Variants in GPR37 observed in about 807,000 individuals in gnomAD.
GPR37 encodes the protein prosaposin receptor GPR37.
Under a neutral mutation model 43.6 loss-of-function variants are expected in GPR37, and 20 were observed. The ratio of observed to expected loss-of-function variants is 0.46; its 90% CI spans 0.32 to 0.67. The LOEUF (loss-of-function observed/expected upper bound fraction) is 0.67. GPR37 is among the 30% of genes least tolerant of loss of function. GPR37 has a pLI of 0.03. For synonymous variants in GPR37, 315 were observed against 322.6 expected (o/e 0.98, Z 0.25); for missense variants, 724 against 797.2 (o/e 0.91, Z 1.11).
intron 1 of GPR37, among the ~76,000 whole-genome samples, chr7:124,759,911 C>A (rs900848388): frequency 6.6e-6 from 1 of 152,136 alleles, no homozygotes; most frequent in Non-Finnish European, 1.5e-5. Context: ...TATTTTTCTA[C>A]ACAAACCCAA....
chr7:124,753,606 G>A (rs571885365), intron 1 of GPR37, among the ~76,000 whole-genome samples: 10 of 152,126 alleles, frequency 6.6e-5, no homozygotes, highest in African/African-American at 2.4e-4. Context: ...GTTTTTGTGA[G>A]TGGCTTCTTG....
At chr7:124,753,477 CAAGGT>C (rs1793754785) in intron 1 of GPR37, among the ~76,000 whole-genome samples, 1 of 151,780 alleles carries the variant, frequency 6.6e-6, no homozygotes, top group African/African-American at 2.4e-5. Flanking sequence ...TAATAAGGAG[CAAGGT>C]AATATGTATT....
rs1793676208 is a variant in GPR37, at chr7:124,746,765, G to A, written c.1602C>T (p.Ser534=). ...AGGACTTAAAGAACAAAAGGAACTG[G>A]CTGATGATATTAAGGAGGTCCATTG... The part of the protein sequence containing the change: ...QQTMDLLNII[S]QFLLFFKSCV... The change falls in exon 2 of 2, where the codon AGC becomes AGT. Residue 534 remains serine, a synonymous_variant. Coordinates refer to ENST00000303921, the MANE Select transcript of GPR37 (RefSeq NM_005302.5). The A allele has an allele frequency of 1.2e-6, 2 of 1,614,022 alleles. No individual in the cohort carries two copies. Among genetic ancestry groups the A allele is most frequent in the Non-Finnish European group, 1.7e-6 (2 of 1,179,922 alleles).
At chr7:124,758,209 T>C (rs932088766) in intron 1 of GPR37, among the ~76,000 whole-genome samples, 1 of 152,196 alleles carries the variant, frequency 6.6e-6, no homozygotes, top group South Asian at 2.1e-4. Flanking sequence ...CATACACCAT[T>C]CAGAAATGGA....
At chr7:124,756,692 G>A (rs921632130) in intron 1 of GPR37, among the ~76,000 whole-genome samples, 3 of 152,178 alleles carry the variant, frequency 2.0e-5, no homozygotes, top group South Asian at 2.1e-4. Flanking sequence ...AATGACAGGC[G>A]CATCCCTGGA....
Position 124,765,205 on chromosome 7 carries a change from T to C in GPR37, c.-229A>G, listed in dbSNP as rs1014954838. 6 of 452,694 alleles carry C rather than the reference T, an allele frequency of 1.3e-5. No individual in the cohort carries two copies. The highest frequency in any genetic ancestry group is 2.0e-5 in the African/African-American group (1 of 48,974). 28.0% of individuals were successfully genotyped at this position (452,694 alleles called of 1,614,324 possible). A position where few individuals can be genotyped will look rare whatever the true frequency, so the allele number is the denominator to read the frequency against. On this transcript the variant is annotated 5_prime_UTR_variant, in exon 1 of 2. Coordinates refer to ENST00000303921, the MANE Select transcript of GPR37 (RefSeq NM_005302.5). ...TTGTGCATTTCTCAGCCAAGTTGAGTCCCAGCAAGGTATGCCCTCCAAGGT... is the reference window on the plus strand; with the variant it reads ...TTGTGCATTTCTCAGCCAAGTTGAGCCCCAGCAAGGTATGCCCTCCAAGGT...
chr7:124,764,671 C>A lies in GPR37; in HGVS notation c.306G>T (p.Ala102=), dbSNP rs1319024892. Residue 102 remains alanine, a synonymous_variant, in exon 1 of 2, where the codon GCG becomes GCT. Transcript: ENST00000303921. The surrounding 1 kb of genome is among the most constrained non-coding windows in gnomAD (Gnocchi z 5.4). ...CCGGGGGTCCGGCTGCCGACGCCTC[C>A]GCCCCTCTGCCTGCAGCCGGGTCAC... ...PGRDPAAGRG[A]EASAAGPPGP... 6.3e-7 allele frequency: 1 copy of A among 1,588,594 alleles called. No individual in the cohort carries two copies. The highest frequency in any genetic ancestry group is 1.1e-5 in the South Asian group (1 of 89,038).
Position 124,745,538 on chromosome 7 carries a change from TAAAG to T in GPR37, c.*983_*986del, listed in dbSNP as rs944881684. On this transcript the variant is annotated 3_prime_UTR_variant, in exon 2 of 2. Transcript: ENST00000303921. ...TCCACTCCTATACTTTCATTGCACT[TAAAG>T]AAATTAAGTTGTATAGATTTCATCA... Among the ~76,000 whole-genome samples the T allele has an allele frequency of 4.5e-4, 68 of 152,290 alleles. No homozygotes were observed. The highest frequency in any genetic ancestry group is 1.4e-3 in the African/African-American group (60 of 41,580).
At chr7:124,762,767 C>A (rs762410052) in intron 1 of GPR37, among the ~76,000 whole-genome samples, 1 of 152,192 alleles carries the variant, frequency 6.6e-6, no homozygotes, top group South Asian at 2.1e-4. Flanking sequence ...AGCTTTGGTC[C>A]GTCTAAGTAG....
rs1793892935 is a variant in GPR37, at chr7:124,764,588, G to T, written c.389C>A (p.Pro130His). ...WRWKGARGQE[P>H]SETLGRGNPT... ...GTTCCCTCTCCCCAAAGTTTCAGAA[G>T]GCTCCTGACCCCGAGCACCTTTCCA... Residue 130 changes from proline (P) to histidine (H), a missense_variant, in exon 1 of 2, where the codon CCT becomes CAT. Pro to His is a moderately conservative substitution (Grantham distance 77). This residue lies in a region of GPR37 where 382 missense variants were observed against 355.4 expected (regional missense o/e 1.07). Coordinates refer to ENST00000303921, the MANE Select transcript of GPR37 (RefSeq NM_005302.5). This position sits in a 1 kb window ranked among gnomAD's most constrained non-coding sequence, Gnocchi z 5.4. 6.2e-7 allele frequency: 1 copy of T among 1,610,752 alleles called. No individual in the cohort carries two copies. The highest frequency in any genetic ancestry group is 1.3e-5 in the African/African-American group (1 of 74,972).
At chr7:124,757,531 T>A (rs1225328706) in intron 1 of GPR37, among the ~76,000 whole-genome samples, 1 of 152,234 alleles carries the variant, frequency 6.6e-6, no homozygotes, top group Non-Finnish European at 1.5e-5. Flanking sequence ...GGATCTAGGC[T>A]GTATAGGCAT....
At chr7:124,747,474 A>T (rs1793687302) in intron 1 of GPR37, 131 bp from the exon 2 acceptor site, 2 of 633,866 alleles carry the variant, frequency 3.2e-6, no homozygotes. Context: ...GAGAGAGAAC[A>T]GTTTTCCAGA....
chr7:124,756,082 C>T lies in GPR37; in HGVS notation c.1023+7872G>A, dbSNP rs553967605. ...TGTTAAGGAAATTTCTTTCTTGATT[C>T]AATCTTCTTATAAAAGGCAGTTATT... is the stretch of plus-strand genomic sequence containing the variant. On this transcript the variant is annotated intron_variant, in intron 1 of 1. Coordinates refer to ENST00000303921, the MANE Select transcript of GPR37 (RefSeq NM_005302.5). 7.9e-5 allele frequency among the ~76,000 whole-genome samples: 12 copies of T among 152,222 alleles called. 1 individual carries two copies. In the South Asian group the frequency reaches 2.5e-3, roughly 32 times the overall value.
Position 124,764,832 on chromosome 7 carries a change from T to A in GPR37, c.145A>T (p.Ile49Phe). 6.2e-7 allele frequency: 1 copy of A among 1,613,664 alleles called. No individual in the cohort carries two copies. Among genetic ancestry groups the A allele is most frequent in the Non-Finnish European group, 8.5e-7 (1 of 1,179,990 alleles). ...CLGESCAPTVIQRRGRDAWGP... is the reference protein window; with the variant it reads ...CLGESCAPTVFQRRGRDAWGP... The stretch of plus-strand genomic sequence containing the variant: ...CAGGCGTCCCTGCCGCGGCGCTGGA[T>A]CACTGTAGGTGCACAGCTCTCCCCC... Residue 49 changes from isoleucine to phenylalanine, a missense_variant, in exon 1 of 2, where the codon ATC (isoleucine) becomes TTC (phenylalanine). By Grantham distance (21) the Ile-to-Phe change is conservative. This residue lies in a region of GPR37 where 382 missense variants were observed against 355.4 expected (regional missense o/e 1.07). Transcript: ENST00000303921. This position sits in a 1 kb window ranked among gnomAD's most constrained non-coding sequence, Gnocchi z 5.4.
At chr7:124,760,388 A>G (rs529577964) in intron 1 of GPR37, among the ~76,000 whole-genome samples, 94 of 152,304 alleles carry the variant, frequency 6.2e-4, no homozygotes, top group African/African-American at 2.0e-3. Context: ...AACATACTTC[A>G]TGATTTTAAG....
At chr7:124,751,309 C>G (rs1793727562) in intron 1 of GPR37, among the ~76,000 whole-genome samples, 2 of 152,076 alleles carry the variant, frequency 1.3e-5, no homozygotes. Flanking sequence ...GCTGCCACTG[C>G]CTGCAGTGAT....
intron 1 of GPR37, among the ~76,000 whole-genome samples, chr7:124,759,521 T>A (rs1793829250): frequency 6.6e-6 from 1 of 152,210 alleles, no homozygotes; most frequent in African/African-American, 2.4e-5. Flanking sequence ...AAGTTTTGTT[T>A]TGAGTATAGT....
In GPR37 at chr7:124,765,571, C is replaced by G. The variant is rs1179125966; in HGVS notation, c.-595G>C. 6.6e-6 allele frequency: 1 copy of G among 152,352 alleles called. No individual in the cohort carries two copies. The highest frequency in any genetic ancestry group is 1.9e-4 in the East Asian group (1 of 5,192). 9.4% of individuals were successfully genotyped at this position (152,352 alleles called of 1,614,324 possible). ...TGCGCCGGCGAAACTCTTGCCCCAC[C>G]TAACCCCAGCGACTTGCGAGCCTAC... is the stretch of plus-strand genomic sequence containing the variant. On this transcript the variant is annotated 5_prime_UTR_variant, in exon 1 of 2. Coordinates refer to ENST00000303921, the MANE Select transcript of GPR37 (RefSeq NM_005302.5).
intron 1 of GPR37, among the ~76,000 whole-genome samples, chr7:124,763,729 C>CT (rs1793876776): frequency 2.0e-5 from 3 of 152,066 alleles, no homozygotes; most frequent in Admixed American, 6.5e-5. Context: ...TGAGATCATC[C>CT]TTTTTTTACA....
Sources: allele counts gnomAD v4.1 joint callset (sites outside exome capture counted in the v4.1 genomes callset), GRCh38; gene constraint gnomAD v4.1.1; regional missense constraint gnomAD v4.1.1; non-coding constraint Gnocchi (gnomAD v3.1); transcripts MANE v1.5; gene names NCBI Gene and HGNC (gene_info 2026-07-23, HGNC 2026-07-21).